Variants in RBFOX1 observed in about 807,000 individuals in gnomAD.
RBFOX1 encodes the protein RNA binding fox-1 homolog 1, also known as RNA binding protein fox-1 homolog 1.
RBFOX1 carries 8 observed loss-of-function variants against 57.7 expected under a neutral mutation model. The observed-to-expected ratio is 0.14, with a 90% CI of 0.08 to 0.25. The LOEUF is 0.25. Among genes scored for constraint, RBFOX1 ranks in the 10% least tolerant of loss-of-function variants. The probability of loss-of-function intolerance (pLI) is 1.00; values close to 1 mark genes in which losing one functional copy is unlikely to be tolerated. For missense variants in RBFOX1, 611 were observed against 548.5 expected (o/e 1.11, Z -1.14); for synonymous variants, 326 against 222.4 (o/e 1.47, Z -4.15).
intron 2 of RBFOX1, among the ~76,000 whole-genome samples, chr16:6,420,021 C>A (rs1485826451): frequency 6.6e-6 from 1 of 152,078 alleles, no homozygotes; most frequent in Admixed American, 6.6e-5. Context: ...TTAATGGATC[C>A]CACTGAGCTG....
At chr16:7,341,498 A>G (rs750586452) in intron 4 of RBFOX1, among the ~76,000 whole-genome samples, 5 of 152,152 alleles carry the variant, frequency 3.3e-5, no homozygotes, top group African/African-American at 4.8e-5. Context: ...CAGTAGAGTC[A>G]GAGGTTAAGC....
At chr16:5,862,490 A>G (rs561895451) in intron 3 of RBFOX1, among the ~76,000 whole-genome samples, 15 of 152,216 alleles carry the variant, frequency 9.9e-5, no homozygotes, top group South Asian at 4.2e-4. Context: ...ACCTGCATCA[A>G]TCAGTGAGAG....
intron 2 of RBFOX1, among the ~76,000 whole-genome samples, chr16:5,552,466 G>A (rs8057985): frequency 0.28 from 43,195 of 152,046 alleles, 6,829 homozygotes; most frequent in Non-Finnish European, 0.35. Context: ...CCATGTTTCA[G>A]GTGAGAAAAC....
chr16:5,967,367 C>T (rs2059867415), intron 4 of RBFOX1, among the ~76,000 whole-genome samples: 1 of 152,116 alleles, frequency 6.6e-6, no homozygotes. Context: ...TGATAGCTTC[C>T]TTGCTACCTG....
At chr16:7,514,093 A>T (rs1000791497) in intron 4 of RBFOX1, among the ~76,000 whole-genome samples, 1 of 151,994 alleles carries the variant, frequency 6.6e-6, no homozygotes, top group African/African-American at 2.4e-5. Flanking sequence ...TGCCACAGCT[A>T]TTAGAAAACA....
chr16:6,990,514 A>G (rs891057968), intron 3 of RBFOX1, among the ~76,000 whole-genome samples: 3 of 152,108 alleles, frequency 2.0e-5, no homozygotes, highest in African/African-American at 7.2e-5. Flanking sequence ...AACAAGAAAG[A>G]AACTCCATCT....
chr16:5,249,344 C>T (rs569716732), intron 1 of RBFOX1, among the ~76,000 whole-genome samples: 80 of 152,302 alleles, frequency 5.3e-4, no homozygotes, highest in African/African-American at 1.9e-3. Flanking sequence ...CTCAGACCGT[C>T]CTCCTGGAGG....
At chr16:6,871,440 C>T (rs947399863) in intron 3 of RBFOX1, among the ~76,000 whole-genome samples, 7 of 152,220 alleles carry the variant, frequency 4.6e-5, no homozygotes, top group African/African-American at 1.7e-4. Flanking sequence ...CTCACCTCAG[C>T]CTCCCAAATT....
At chr16:7,265,170 G>C (rs938643942) in intron 4 of RBFOX1, among the ~76,000 whole-genome samples, 4 of 152,176 alleles carry the variant, frequency 2.6e-5, no homozygotes, top group Non-Finnish European at 5.9e-5. Context: ...AGTCTATCCA[G>C]TTGCCATAGC....
At chr16:7,140,070 G>C (rs971254738) in intron 4 of RBFOX1, among the ~76,000 whole-genome samples, 1 of 151,658 alleles carries the variant, frequency 6.6e-6, no homozygotes, top group Non-Finnish European at 1.5e-5. Context: ...AAGAATGGTA[G>C]GCTCTGTCTA....
At chr16:6,129,418 C>A (rs1467804722) in intron 1 of RBFOX1, among the ~76,000 whole-genome samples, 1 of 151,824 alleles carries the variant, frequency 6.6e-6, no homozygotes, top group Non-Finnish European at 1.5e-5. Flanking sequence ...AGATTGAAGA[C>A]TATAGAAGAA....
intron 1 of RBFOX1, among the ~76,000 whole-genome samples, chr16:6,195,135 A>G (rs1475349661): frequency 6.6e-6 from 1 of 152,208 alleles, no homozygotes; most frequent in African/African-American, 2.4e-5. Flanking sequence ...GAGCAAACAG[A>G]TGGCTTAAGA....
chr16:7,201,526 A>G (rs186970052), intron 4 of RBFOX1, among the ~76,000 whole-genome samples: 8 of 151,822 alleles, frequency 5.3e-5, no homozygotes, highest in African/African-American at 1.9e-4. Context: ...CAATGGCACA[A>G]TCTGGGCTCA....
chr16:6,454,873 T>TG (rs199499854), intron 2 of RBFOX1, among the ~76,000 whole-genome samples: 97,692 of 123,856 alleles, frequency 0.79, 38,397 homozygotes, highest in Middle Eastern at 0.85. Context: ...TTTTTTTTTT[T>TG]TTTTTTTTTT....
chr16:5,592,649 T>C lies in RBFOX1; in HGVS notation c.259-6253T>C, dbSNP rs970937076. ...TAGGCTATAAAAATCTATTTTATTA[T>C]GTTAAGTCCTCTGTTTGGACCATGC... is the stretch of plus-strand genomic sequence containing the variant. On this transcript the variant is annotated intron_variant, in intron 2 of 2. Coordinates refer to the RBFOX1 transcript ENST00000585867. Among the ~76,000 whole-genome samples the C allele has an allele frequency of 1.5e-4, 23 of 152,310 alleles. 2 individuals carry two copies. The Middle Eastern group carries it at 0.024, about 158-fold the overall frequency.
At chr16:6,108,996 C>T (rs757228967) in intron 1 of RBFOX1, among the ~76,000 whole-genome samples, 1 of 152,266 alleles carries the variant, frequency 6.6e-6, no homozygotes, top group African/African-American at 2.4e-5. Context: ...CATGTACAGA[C>T]TACAGGGATT....
At chr16:7,153,664 C>T (rs8052453) in intron 4 of RBFOX1, among the ~76,000 whole-genome samples, 58,227 of 148,758 alleles carry the variant, frequency 0.39, 12,652 homozygotes, top group African/African-American at 0.59. Context: ...GCAGGAGAAT[C>T]GCTGGAACCC....
At chr16:7,082,665 G>T (rs146122660) in intron 4 of RBFOX1, among the ~76,000 whole-genome samples, 1 of 152,268 alleles carries the variant, frequency 6.6e-6, no homozygotes, top group African/African-American at 2.4e-5. Flanking sequence ...TAACACAACT[G>T]TTTAATGAAG....
At chr16:6,924,794 T>G (rs1415257445) in intron 3 of RBFOX1, among the ~76,000 whole-genome samples, 1 of 151,440 alleles carries the variant, frequency 6.6e-6, no homozygotes, top group African/African-American at 2.4e-5. Context: ...ACTTGTCATT[T>G]AGCATTAGGT....
Sources: gnomAD v4.1 joint callset for allele counts (sites outside exome capture counted in the v4.1 genomes callset) on GRCh38, gnomAD v4.1.1 for gene constraint, MANE v1.5 for transcripts, NCBI Gene and HGNC (gene_info 2026-07-23, HGNC 2026-07-21) for gene names.